Variants in PDE8B observed in about 807,000 individuals in gnomAD.
The protein encoded by PDE8B is phosphodiesterase 8B, also known as high affinity cAMP-specific and IBMX-insensitive 3',5'-cyclic phosphodiesterase 8B.
In PDE8B, 26 loss-of-function variants were observed where a neutral mutation model predicts 101.3. The ratio of observed to expected loss-of-function variants is 0.26; its 90% CI spans 0.19 to 0.36. The LOEUF (loss-of-function observed/expected upper bound fraction) is 0.36. Ranked by LOEUF, PDE8B falls within the 10% of genes least tolerant of loss-of-function variation. The pLI is 1.00. For missense variants in PDE8B, 810 were observed against 1,163.1 expected (o/e 0.70, Z 4.42); for synonymous variants, 424 against 429.3 (o/e 0.99, Z 0.15).
chr5:77,389,135 T>C (rs1246055878), intron 10 of PDE8B, among the ~76,000 whole-genome samples: 1 of 152,034 alleles, frequency 6.6e-6, no homozygotes, highest in Non-Finnish European at 1.5e-5. Flanking sequence ...AAATCCTGCA[T>C]CTAGCTTGGT....
chr5:77,300,675 A>C (rs536585460), intron 1 of PDE8B, among the ~76,000 whole-genome samples: 39 of 152,338 alleles, frequency 2.6e-4, no homozygotes, highest in Non-Finnish European at 2.1e-4. Flanking sequence ...CATGTGTGTT[A>C]GCAAAGAGGA....
At chr5:77,382,526 C>A (rs1787696871) in intron 10 of PDE8B, among the ~76,000 whole-genome samples, 2 of 152,112 alleles carry the variant, frequency 1.3e-5, no homozygotes, top group South Asian at 4.1e-4. Flanking sequence ...TGGTTTCCTG[C>A]ACCCATCAAC....
intron 1 of PDE8B, among the ~76,000 whole-genome samples, chr5:77,228,238 T>A (rs928269582): frequency 1.2e-4 from 19 of 152,304 alleles, no homozygotes; most frequent in Admixed American, 7.2e-4. Flanking sequence ...TAGCAGCATA[T>A]TTCATCAAAG....
Position 77,400,240 on chromosome 5 carries a change from G to A in PDE8B, c.1168-8G>A, listed in dbSNP as rs767919226. On this transcript the variant is annotated splice_region_variant and splice_polypyrimidine_tract_variant and intron_variant, in intron 10 of 21. Coordinates refer to ENST00000264917, the MANE Select transcript of PDE8B (RefSeq NM_003719.5). ...CTCTTGTTTTATCAAACTTTTGAAC[G>A]ACTTTAGATTCACAAGATTCATCGT... is the stretch of plus-strand genomic sequence containing the variant. The A allele has an allele frequency of 4.4e-6, 7 of 1,589,694 alleles. No individual in the cohort carries two copies. Among genetic ancestry groups the A allele is most frequent in the African/African-American group, 2.7e-5 (2 of 74,394 alleles).
intron 3 of PDE8B, among the ~76,000 whole-genome samples, chr5:77,328,154 G>A (rs138318880): frequency 2.1e-3 from 315 of 152,326 alleles, no homozygotes; most frequent in African/African-American, 6.8e-3. Context: ...CAGACCAAGA[G>A]AATAGGTCAA....
chr5:77,418,264 C>T lies in PDE8B; in HGVS notation c.1947C>T (p.Leu649=), dbSNP rs1691135084. Reference sequence around the variant, plus strand: ...ATCAGTTGGATGAGGTGGCAGCCCTCATTGCTGCCACAGTCCATGACGTGG... The same window carrying T: ...ATCAGTTGGATGAGGTGGCAGCCCTTATTGCTGCCACAGTCCATGACGTGG... The part of the protein sequence containing the change: ...SLDQLDEVAA[L]IAATVHDVDH... The change falls in exon 18 of 22, where the codon CTC becomes CTT. Residue 649 remains leucine, a synonymous_variant. Coordinates refer to ENST00000264917, the MANE Select transcript of PDE8B (RefSeq NM_003719.5). 3.1e-6 allele frequency: 5 copies of T among 1,612,866 alleles called. No homozygotes were observed. The highest frequency in any genetic ancestry group is 4.2e-6 in the Non-Finnish European group (5 of 1,178,936).
chr5:77,096,871 T>C, the PDE8B span, among the ~76,000 whole-genome samples: 1 of 152,160 alleles, frequency 6.6e-6, no homozygotes, highest in Admixed American at 6.5e-5. Context: ...TTAACATGAT[T>C]ACATCTGCAA....
chr5:77,134,960 T>G, the PDE8B span, among the ~76,000 whole-genome samples: 6 of 152,142 alleles, frequency 3.9e-5, no homozygotes, highest in African/African-American at 7.2e-5. Flanking sequence ...TGCTTAGATG[T>G]CCCTTTAAGA....
At chr5:77,410,660 G>A (rs1038346239) in intron 14 of PDE8B, 10 of 134,176 alleles carry the variant, frequency 7.5e-5, no homozygotes, top group East Asian at 2.3e-4. Flanking sequence ...CCATACACAC[G>A]TTACAGGCAG....
chr5:77,263,345 C>G (rs892751429), intron 1 of PDE8B, among the ~76,000 whole-genome samples: 1 of 152,174 alleles, frequency 6.6e-6, no homozygotes, highest in Admixed American at 6.5e-5. Flanking sequence ...AGGGCACTTT[C>G]TCAGAATGCA....
At chr5:77,399,718 A>G (rs558025389) in intron 10 of PDE8B, among the ~76,000 whole-genome samples, 5 of 152,238 alleles carry the variant, frequency 3.3e-5, no homozygotes, top group Non-Finnish European at 7.3e-5. Context: ...ATGAGAAAGA[A>G]TAGGTGGAAA....
intron 13 of PDE8B, 43 bp from the exon 14 acceptor site, chr5:77,408,850 G>A: frequency 6.6e-7 from 1 of 1,524,864 alleles, no homozygotes; most frequent in South Asian, 1.1e-5. Context: ...TTGGGAAGTA[G>A]AACCCTATTA....
At chr5:77,138,063 C>T in the PDE8B span, among the ~76,000 whole-genome samples, 4 of 152,316 alleles carry the variant, frequency 2.6e-5, no homozygotes, top group Admixed American at 1.3e-4. Context: ...AACTTCCCTA[C>T]TCCCCTTGGA....
chr5:77,336,706 TG>T (rs1474810939), intron 5 of PDE8B, among the ~76,000 whole-genome samples: 1 of 152,234 alleles, frequency 6.6e-6, no homozygotes, highest in African/African-American at 2.4e-5. Flanking sequence ...AGTATTTATT[TG>T]AGTACTTGTT....
chr5:77,310,252 A>C lies in PDE8B; in HGVS notation c.340-1742A>C, dbSNP rs74290965. On this transcript the variant is annotated intron_variant, in intron 1 of 21. Transcript: ENST00000264917. ...AGGCGAGAGCCACCGCATCTGGCCC[A>C]ATCATTAACTTTTTAATCAGCGTTC... Among the ~76,000 whole-genome samples, 218 of 152,298 alleles carry C rather than the reference A, an allele frequency of 1.4e-3. 2 individuals are homozygous for C. The East Asian group carries it at 0.039, about 27-fold the overall frequency.
intron 10 of PDE8B, among the ~76,000 whole-genome samples, chr5:77,395,209 C>T (rs772500566): frequency 8.6e-5 from 13 of 151,604 alleles, no homozygotes; most frequent in African/African-American, 2.2e-4. Context: ...CTCCGCCTCC[C>T]GGGTTCACGC....
At chr5:77,395,116 T>G (rs999427855) in intron 10 of PDE8B, among the ~76,000 whole-genome samples, 3 of 152,060 alleles carry the variant, frequency 2.0e-5, no homozygotes, top group Non-Finnish European at 2.9e-5. Context: ...CAATTTCCAA[T>G]TCATTCAATT....
intron 10 of PDE8B, among the ~76,000 whole-genome samples, chr5:77,393,671 G>T (rs898991339): frequency 6.6e-6 from 1 of 152,140 alleles, no homozygotes; most frequent in East Asian, 1.9e-4. Flanking sequence ...TGGCTTTGCT[G>T]GAACTTTATA....
Position 77,317,242 on chromosome 5 carries a change from G to A in PDE8B, c.399+5189G>A, listed in dbSNP as rs149737809. Among the ~76,000 whole-genome samples the A allele has an allele frequency of 2.2e-4, 33 of 152,246 alleles. 1 individual carries two copies. The Middle Eastern group carries it at 0.01, about 47-fold the overall frequency. ...AATTGACTTAGAAAAATGAAGCTAT[G>A]TCCTAATGTTTTTATTTTACTTTTT... On this transcript the variant is annotated intron_variant, in intron 2 of 21. Transcript: ENST00000264917.
Sources: gnomAD v4.1 joint callset for allele counts (sites outside exome capture counted in the v4.1 genomes callset) on GRCh38, gnomAD v4.1.1 for gene constraint, MANE v1.5 for transcripts, NCBI Gene and HGNC (gene_info 2026-07-23, HGNC 2026-07-21) for gene names.